Variants in CYB5R4 observed in about 807,000 individuals in gnomAD.
CYB5R4 encodes the protein cytochrome b5 reductase 4, also known as N-terminal cytochrome b5 and cytochrome b5 oxidoreductase domain-containing protein.
In CYB5R4, 55 loss-of-function variants were observed where a neutral mutation model predicts 70.2. The ratio of observed to expected loss-of-function variants is 0.78; its 90% confidence interval spans 0.63 to 0.98. The LOEUF (loss-of-function observed/expected upper bound fraction) is 0.98, where lower values mean the gene tolerates loss of function less well. Among genes scored for constraint, CYB5R4 ranks in the 50% least tolerant of loss-of-function variants. CYB5R4 has a pLI of 0.00. For missense variants in CYB5R4, 562 were observed against 612.6 expected (o/e 0.92, Z 0.87); for synonymous variants, 197 against 199.5 (o/e 0.99, Z 0.11).
At chr6:83,869,661 TC>T (rs1055280368) in intron 2 of CYB5R4, among the ~76,000 whole-genome samples, 2 of 152,122 alleles carry the variant, frequency 1.3e-5, no homozygotes, top group African/African-American at 4.8e-5. Context: ...AAACTCCAGC[TC>T]TACTAAAAAT....
rs1243727402 is a variant in CYB5R4, at chr6:83,922,599, AC to A, written c.691+130del. On this transcript the variant is annotated intron_variant, in intron 9 of 15. Coordinates refer to ENST00000369681, the MANE Select transcript of CYB5R4 (RefSeq NM_016230.4). Reference sequence around the variant, plus strand: ...CATGTCTATATTTTCACATTGCAAAACAAAGATGTGATGTTTTCTCTTTTTT... The same window carrying A: ...CATGTCTATATTTTCACATTGCAAAAAAAGATGTGATGTTTTCTCTTTTTT... The A allele has an allele frequency of 6.1e-6, 4 of 653,312 alleles. No individual in the cohort carries two copies. The African/African-American group carries it at 7.9e-5, about 13-fold the overall frequency. 40.5% of individuals were successfully genotyped at this position (653,312 alleles called of 1,614,324 possible).
At position 83,959,889 on chromosome 6, in the gene CYB5R4, T is replaced by C. The variant is rs373672482; in HGVS notation, c.*11T>C. ...AGTTTTACAGCATAATGAAGAGCTG[T>C]CATTGTCCTTTATTCAACTAGTTTA... On this transcript the variant is annotated 3_prime_UTR_variant, in exon 16 of 16. Coordinates refer to ENST00000369681, the MANE Select transcript of CYB5R4 (RefSeq NM_016230.4). 2.2e-4 allele frequency: 351 copies of C among 1,586,332 alleles called. No homozygotes were observed. The highest frequency in any genetic ancestry group is 1.8e-3 in the South Asian group (152 of 85,772).
At chr6:83,959,740 C>T in intron 15 of CYB5R4, 84 bp from the exon 16 acceptor site, 1 of 1,158,396 alleles carries the variant, frequency 8.6e-7, no homozygotes, top group African/African-American at 1.6e-5. Flanking sequence ...GAAAAAGTAT[C>T]ATGATTATGG....
chr6:83,945,720 T>TA (rs1169072339), intron 14 of CYB5R4, among the ~76,000 whole-genome samples: 1 of 151,848 alleles, frequency 6.6e-6, no homozygotes, highest in African/African-American at 2.4e-5. Context: ...ATAGATACAA[T>TA]AAAAAATGAT....
intron 10 of CYB5R4, among the ~76,000 whole-genome samples, chr6:83,926,816 A>G (rs534023618): frequency 6.6e-6 from 1 of 152,314 alleles, no homozygotes; most frequent in South Asian, 2.1e-4. Flanking sequence ...GGGGATGGGA[A>G]GACCTATCCA....
At chr6:83,882,929 GCACCACTA>G (rs1049433390) in intron 2 of CYB5R4, among the ~76,000 whole-genome samples, 11 of 152,208 alleles carry the variant, frequency 7.2e-5, no homozygotes, top group Admixed American at 4.6e-4. Context: ...AGCCGAGATT[GCACCACTA>G]CACTCCAGCC....
chr6:83,959,195 G>C (rs2099472912), intron 15 of CYB5R4, among the ~76,000 whole-genome samples: 1 of 152,216 alleles, frequency 6.6e-6, no homozygotes, highest in South Asian at 2.1e-4. Context: ...AGTGCTTAAT[G>C]AACTAATGGA....
At chr6:83,948,910 A>G (rs924195256) in intron 14 of CYB5R4, among the ~76,000 whole-genome samples, 2 of 151,910 alleles carry the variant, frequency 1.3e-5, no homozygotes, top group African/African-American at 4.8e-5. Flanking sequence ...TGCTGACGGA[A>G]GTGATAGTGT....
chr6:83,919,561 C>A, intron 7 of CYB5R4, 107 bp downstream of exon 7: 1 of 499,458 alleles, frequency 2.0e-6, no homozygotes, highest in Non-Finnish European at 3.5e-6. Context: ...CACTATAATT[C>A]TTTGAGGTAG....
At chr6:83,909,737 T>G (rs1210281433) in intron 4 of CYB5R4, among the ~76,000 whole-genome samples, 1 of 152,208 alleles carries the variant, frequency 6.6e-6, no homozygotes, top group Non-Finnish European at 1.5e-5. Context: ...TAATGTATTT[T>G]CTTTTAGTAT....
intron 9 of CYB5R4, among the ~76,000 whole-genome samples, chr6:83,922,823 C>G (rs2099466612): frequency 6.6e-6 from 1 of 152,004 alleles, no homozygotes; most frequent in African/African-American, 2.4e-5. Context: ...GGGTCTCACT[C>G]TGTCACCCAG....
chr6:83,960,512 T>G lies in CYB5R4; in HGVS notation c.*634T>G, dbSNP rs2099473161. ...TTTAAAAGGCAGCAATAAAATATAT[T>G]AGAGACATGACACACATGCGCCTTT... On this transcript the variant is annotated 3_prime_UTR_variant, in exon 16 of 16. Transcript: ENST00000369681. The G allele has an allele frequency of 6.6e-6, 1 of 152,166 alleles. No individual in the cohort carries two copies. Among genetic ancestry groups the G allele is most frequent in the Non-Finnish European group, 1.5e-5 (1 of 68,042 alleles). 9.4% of individuals were successfully genotyped at this position (152,166 alleles called of 1,614,324 possible). A position where few individuals can be genotyped will look rare whatever the true frequency, so the allele number is the denominator to read the frequency against.
Position 83,934,587 on chromosome 6 carries a change from CT to C in CYB5R4, c.815-3del. The C allele has an allele frequency of 6.3e-7, 1 of 1,595,134 alleles. No individual in the cohort carries two copies. Among genetic ancestry groups the C allele is most frequent in the East Asian group, 2.2e-5 (1 of 44,684 alleles). ...TGTATCAATAAGAGAAAATGAATCA[CT>C]TTTTAGGTTTGTACTACAGAAAGTG... On this transcript the variant is annotated splice_region_variant and splice_polypyrimidine_tract_variant and intron_variant, in intron 10 of 15. Transcript: ENST00000369681.
At chr6:83,879,485 G>A (rs2099459116) in intron 2 of CYB5R4, among the ~76,000 whole-genome samples, 1 of 152,146 alleles carries the variant, frequency 6.6e-6, no homozygotes, top group African/African-American at 2.4e-5. Flanking sequence ...GGGACCGGTG[G>A]TGGGAGGCTT....
At chr6:83,912,285 A>G (rs2099464823) in intron 4 of CYB5R4, among the ~76,000 whole-genome samples, 1 of 152,052 alleles carries the variant, frequency 6.6e-6, no homozygotes, top group African/African-American at 2.4e-5. Flanking sequence ...AGCAGACTGA[A>G]TATATTTTCT....
At chr6:83,919,554 T>C in intron 7 of CYB5R4, 100 bp downstream of exon 7, 1 of 526,406 alleles carries the variant, frequency 1.9e-6, no homozygotes, top group Non-Finnish European at 3.2e-6. Flanking sequence ...TACTTCTCAC[T>C]ATAATTCTTT....
chr6:83,950,730 A>G (rs981294517), intron 14 of CYB5R4, among the ~76,000 whole-genome samples: 2 of 152,124 alleles, frequency 1.3e-5, no homozygotes, highest in South Asian at 4.1e-4. Flanking sequence ...ACATGTTTAT[A>G]TAGAAAAGGT....
intron 2 of CYB5R4, among the ~76,000 whole-genome samples, chr6:83,883,153 T>C (rs1160328540): frequency 1.3e-5 from 2 of 152,236 alleles, no homozygotes; most frequent in Non-Finnish European, 1.5e-5. Context: ...AACTTGCAGA[T>C]AGATGAATAT....
chr6:83,877,220 A>G (rs1286945996), intron 2 of CYB5R4, among the ~76,000 whole-genome samples: 3 of 152,096 alleles, frequency 2.0e-5, no homozygotes, highest in African/African-American at 7.2e-5. Context: ...CATTTTAAAG[A>G]TATATTGTCA....
Sources: allele counts gnomAD v4.1 joint callset (sites outside exome capture counted in the v4.1 genomes callset), GRCh38; gene constraint gnomAD v4.1.1; transcripts MANE v1.5; gene names NCBI Gene and HGNC (gene_info 2026-07-23, HGNC 2026-07-21).